CHD9: variants seen among roughly 807,000 people sequenced by gnomAD.
CHD9 encodes chromodomain helicase DNA binding protein 9.
A neutral mutation model predicts 316.1 loss-of-function variants in CHD9; 77 were observed. The ratio of observed to expected loss-of-function variants is 0.24; its 90% CI spans 0.20 to 0.29. The LOEUF is 0.29. CHD9 is among the 10% of genes least tolerant of loss of function. The pLI is 1.00. For missense variants in CHD9, 2,763 were observed against 3,438.1 expected, an observed-to-expected ratio of 0.80 and a Z score of 4.91; for synonymous variants, 1,129 against 1,158.3, an observed-to-expected ratio of 0.97 and a Z score of 0.51.
At chr16:53,133,387 A>C (rs1053995046) in intron 1 of CHD9, among the ~76,000 whole-genome samples, 1 of 152,248 alleles carries the variant, frequency 6.6e-6, no homozygotes, top group African/African-American at 2.4e-5. Context: ...GAATCACTTG[A>C]GCCAAGAGTT....
At chr16:53,209,050 C>T (rs2046119444) in intron 2 of CHD9, among the ~76,000 whole-genome samples, 2 of 151,878 alleles carry the variant, frequency 1.3e-5, no homozygotes, top group East Asian at 3.8e-4. Context: ...TTTTATTTTT[C>T]TAAAAGCCAT....
At chr16:53,171,220 A>C (rs992112082) in intron 2 of CHD9, among the ~76,000 whole-genome samples, 1 of 151,958 alleles carries the variant, frequency 6.6e-6, no homozygotes, top group Non-Finnish European at 1.5e-5. Context: ...CTATCCTACT[A>C]TCCTGGCTAA....
chr16:53,248,036 G>A (rs1285146803), intron 16 of CHD9: 2 of 152,020 alleles, frequency 1.3e-5, no homozygotes, highest in African/African-American at 2.4e-5. Context: ...GTTAAATATT[G>A]TCTAATCAGG....
At chr16:53,080,270 A>G (rs1265360549) in intron 1 of CHD9, among the ~76,000 whole-genome samples, 1 of 152,136 alleles carries the variant, frequency 6.6e-6, no homozygotes, top group Non-Finnish European at 1.5e-5. Context: ...TTTATTAACC[A>G]CTTTTTCTGG....
rs777513960 is a variant in CHD9, at chr16:53,314,398, TTGGTGCCAA to T, written c.7250_7258del (p.Ala2417_Gly2419del). 2 of 1,580,780 alleles carry T rather than the reference TTGGTGCCAA, an allele frequency of 1.3e-6. No homozygotes were observed. The highest frequency in any genetic ancestry group is 2.7e-5 in the African/African-American group (2 of 74,242). On this transcript the variant is annotated inframe_deletion, in exon 35 of 39. Coordinates refer to ENST00000447540, the MANE Select transcript of CHD9 (RefSeq NM_001308319.2). The stretch of plus-strand genomic sequence containing the variant: ...TTAGGTACTTCCATTCAACCAACCC[TTGGTGCCAA>T]TGGTGTGATATTAGACAACCAGCCT...
intron 1 of CHD9, among the ~76,000 whole-genome samples, chr16:53,139,229 G>A (rs1300664338): frequency 6.6e-6 from 1 of 152,116 alleles, no homozygotes; most frequent in Non-Finnish European, 1.5e-5. Flanking sequence ...GGGGAAGTTA[G>A]GAGTGAAGGC....
chr16:53,129,292 T>C (rs1341575686), intron 1 of CHD9, among the ~76,000 whole-genome samples: 3 of 152,186 alleles, frequency 2.0e-5, no homozygotes, highest in Non-Finnish European at 4.4e-5. Context: ...GGCCTTAAAT[T>C]TGACTCAACA....
At chr16:53,188,889 A>G (rs886863086) in intron 2 of CHD9, among the ~76,000 whole-genome samples, 2 of 151,780 alleles carry the variant, frequency 1.3e-5, no homozygotes, top group Non-Finnish European at 2.9e-5. Flanking sequence ...CTAGCATTGT[A>G]TCTTTTTTTT....
chr16:53,068,615 T>A (rs1389662143), intron 1 of CHD9, among the ~76,000 whole-genome samples: 1 of 152,178 alleles, frequency 6.6e-6, no homozygotes, highest in African/African-American at 2.4e-5. Flanking sequence ...CAGCACCCAC[T>A]CCACTGTATT....
At chr16:53,215,762 G>C (rs1292521799) in intron 3 of CHD9, among the ~76,000 whole-genome samples, 1 of 152,162 alleles carries the variant, frequency 6.6e-6, no homozygotes, top group East Asian at 1.9e-4. Context: ...TTGATGCAGT[G>C]TAGAACACAG....
chr16:53,105,840 T>G (rs1482421168), intron 1 of CHD9, among the ~76,000 whole-genome samples: 4 of 151,130 alleles, frequency 2.6e-5, no homozygotes, highest in South Asian at 4.2e-4. Flanking sequence ...TTTTTTTTTT[T>G]GAGACTGAGT....
chr16:53,236,694 G>A (rs1393370302), intron 11 of CHD9, among the ~76,000 whole-genome samples: 1 of 130,918 alleles, frequency 7.6e-6, no homozygotes, highest in Non-Finnish European at 1.5e-5. Flanking sequence ...CCAAATCCAT[G>A]AAATATTTTT....
intron 2 of CHD9, among the ~76,000 whole-genome samples, chr16:53,194,191 A>T (rs540036788): frequency 2.0e-4 from 31 of 151,942 alleles, no homozygotes; most frequent in Non-Finnish European, 3.4e-4. Context: ...ATGCCACTGC[A>T]CTTCAGCCTG....
chr16:53,208,488 C>T (rs1005549586), intron 2 of CHD9: 4 of 1,149,250 alleles, frequency 3.5e-6, no homozygotes, highest in Non-Finnish European at 4.3e-6. Context: ...GCTGTTTCCT[C>T]GAGTCTTGGT....
chr16:53,316,963 C>T (rs1202045500), intron 36 of CHD9, among the ~76,000 whole-genome samples: 1 of 152,046 alleles, frequency 6.6e-6, no homozygotes, highest in Non-Finnish European at 1.5e-5. Context: ...CTTTGCGAGG[C>T]CGAGGCGGGC....
intron 2 of CHD9, among the ~76,000 whole-genome samples, chr16:53,159,075 G>A (rs2041727904): frequency 6.6e-6 from 1 of 152,078 alleles, no homozygotes; most frequent in African/African-American, 2.4e-5. Flanking sequence ...AGGAATTCCA[G>A]ACCAGCCTGG....
Position 53,314,968 on chromosome 16 carries a change from C to T in CHD9, c.7508C>T (p.Ala2503Val). The change falls in exon 36 of 39, where the codon GCA (alanine) becomes GTA (valine). Residue 2503 changes from alanine to valine, a missense_variant. By Grantham distance (64) the Ala-to-Val change is moderately conservative (BLOSUM62 0). This residue lies in a region of CHD9 where 663 missense variants were observed against 751.2 expected (regional missense o/e 0.88). Coordinates refer to ENST00000447540, the MANE Select transcript of CHD9 (RefSeq NM_001308319.2). ...KDGTRLAGDD[A>V]PKRKDLEKWL... The stretch of plus-strand genomic sequence containing the variant: ...GGAACGAGACTTGCAGGAGATGATG[C>T]ACCAAAGAGAAAGGATTTGGAAAAA... 1 of 1,613,758 alleles carries T rather than the reference C, an allele frequency of 6.2e-7. No individual in the cohort carries two copies. Among genetic ancestry groups the T allele is most frequent in the Non-Finnish European group, 8.5e-7 (1 of 1,179,778 alleles).
chr16:53,156,447 G>T lies in CHD9; in HGVS notation c.358G>T (p.Asp120Tyr), dbSNP rs780676692. 1.1e-5 allele frequency: 18 copies of T among 1,613,860 alleles called. No individual in the cohort carries two copies. The highest frequency in any genetic ancestry group is 1.4e-5 in the Non-Finnish European group (17 of 1,179,902). The change falls in exon 2 of 39, where the codon GAT becomes TAT. Residue 120 changes from aspartate (D) to tyrosine (Y), a missense_variant. Physicochemically the swap from Asp to Tyr is radical, Grantham distance 160 (BLOSUM62 -3). Coordinates refer to ENST00000447540, the MANE Select transcript of CHD9 (RefSeq NM_001308319.2). ...CAATGGTTTGTTTCCAGATGTATCAGATGGCAGTCCAATGTGGGGCCATCA... is the reference window on the plus strand; with the variant it reads ...CAATGGTTTGTTTCCAGATGTATCATATGGCAGTCCAATGTGGGGCCATCA... ...QPNGLFPDVS[D>Y]GSPMWGHQTA...
rs1014041271 is a variant in CHD9 at position 53,122,858 on chromosome 16, T to C, written c.-164-33068T>C. Among the ~76,000 whole-genome samples the C allele has an allele frequency of 1.4e-4, 21 of 150,764 alleles. 1 individual carries two copies. Among genetic ancestry groups the C allele is most frequent in the Non-Finnish European group, 3.0e-4 (20 of 67,786 alleles). ...AGTAGCTGGGACTATAGGCGCCCGCTACCACGCCCGGCTAATTTTTTTTTT... is the reference window on the plus strand; with the variant it reads ...AGTAGCTGGGACTATAGGCGCCCGCCACCACGCCCGGCTAATTTTTTTTTT... On this transcript the variant is annotated intron_variant, in intron 1 of 38. Transcript: ENST00000447540.
Sources: gnomAD v4.1 joint callset for allele counts (sites outside exome capture counted in the v4.1 genomes callset) on GRCh38, gnomAD v4.1.1 for gene constraint, gnomAD v4.1.1 regional missense constraint, MANE v1.5 for transcripts, NCBI Gene and HGNC (gene_info 2026-07-23, HGNC 2026-07-21) for gene names.